The following ALOX15 variants were observed in gnomAD, a reference collection of about 807,000 sequenced individuals.
The protein encoded by ALOX15 is arachidonate 15-lipoxygenase, also known as polyunsaturated fatty acid lipoxygenase ALOX15.
Under a neutral mutation model 71.7 loss-of-function variants are expected in ALOX15, and 68 were observed. The observed-to-expected ratio is 0.95, with a 90% CI of 0.78 to 1.16. The LOEUF (loss-of-function observed/expected upper bound fraction) is 1.16, where lower values mean the gene tolerates loss of function less well. Among genes scored for constraint, ALOX15 ranks in the 50% most tolerant of loss-of-function variants. The pLI is 0.00. For missense variants in ALOX15, 798 were observed against 818.8 expected, an observed-to-expected ratio of 0.97 and a Z score of 0.31; for synonymous variants, 346 against 333.3, an observed-to-expected ratio of 1.04 and a Z score of -0.42.
rs1274949990 is a variant in ALOX15, at chr17:4,630,959, T to C, written c.*641A>G. The C allele has an allele frequency of 6.6e-6, 1 of 152,284 alleles. No homozygotes were observed. Among genetic ancestry groups the C allele is most frequent in the East Asian group, 1.9e-4 (1 of 5,208 alleles). The allele number at this position is 152,284 out of a possible 1,614,324, so 9.4% of individuals were successfully genotyped here. Reference sequence around the variant, plus strand: ...TTTATTTAAAATAGTTCAGTCCTAGTTCTTTTCCATCTTTAGCGTAAAACA... The same window carrying C: ...TTTATTTAAAATAGTTCAGTCCTAGCTCTTTTCCATCTTTAGCGTAAAACA... On this transcript the variant is annotated 3_prime_UTR_variant, in exon 14 of 14. Coordinates refer to ENST00000293761, the MANE Select transcript of ALOX15 (RefSeq NM_001140.5).
Position 4,631,751 on chromosome 17 carries a change from T to C in ALOX15, c.1838A>G (p.Tyr613Cys). 6.2e-7 allele frequency: 1 copy of C among 1,613,912 alleles called. No homozygotes were observed. The highest frequency in any genetic ancestry group is 8.5e-7 in the Non-Finnish European group (1 of 1,179,974). The change falls in exon 14 of 14, where the codon TAT becomes TGT. Residue 613 changes from tyrosine to cysteine, a missense_variant. Transcript: ENST00000293761. ...AGCCTTAGGCTCAGGGCCCGAAAAA[T>C]ACTCCTCCTCATGCTGGCCCACAGC... is the stretch of plus-strand genomic sequence containing the variant. ...MVAVGQHEEE[Y>C]FSGPEPKAVL...
chr17:4,633,106 C>G, intron 10 of ALOX15, 40 bp downstream of exon 10: 1 of 1,608,408 alleles, frequency 6.2e-7, no homozygotes, highest in East Asian at 2.2e-5. Flanking sequence ...GTCTTCTCCA[C>G]CCCCACTTGC....
chr17:4,633,008 G>C, intron 10 of ALOX15, 26 bp from the exon 11 acceptor site: 1 of 1,614,078 alleles, frequency 6.2e-7, no homozygotes, highest in East Asian at 2.2e-5. Context: ...GCAGGGCCAG[G>C]GAGCTGAAGC....
rs11568114 is a variant in ALOX15 at position 4,635,664 on chromosome 17, A to G, written c.1161+95T>C. 4.2e-4 allele frequency: 499 copies of G among 1,185,998 alleles called. No individual in the cohort carries two copies. In the African/African-American group the frequency reaches 4.5e-3, roughly 11 times the overall value. 73.5% of individuals were successfully genotyped at this position (1,185,998 alleles called of 1,614,324 possible). ...TTGTCCATTCATTGTTTCTCTCTGTACCCCGAGACCCCACAGAGAGGGAGC... is the reference window on the plus strand; with the variant it reads ...TTGTCCATTCATTGTTTCTCTCTGTGCCCCGAGACCCCACAGAGAGGGAGC... On this transcript the variant is annotated intron_variant, in intron 8 of 13. Coordinates refer to ENST00000293761, the MANE Select transcript of ALOX15 (RefSeq NM_001140.5).
At chr17:4,637,552 T>C (rs1567648171) in intron 6 of ALOX15, among the ~76,000 whole-genome samples, 1 of 152,030 alleles carries the variant, frequency 6.6e-6, no homozygotes, top group Non-Finnish European at 1.5e-5. Context: ...TACAGGTGCA[T>C]GCCACTACAC....
In ALOX15 at chr17:4,631,080, T is replaced by C. The variant is rs778006671; in HGVS notation, c.*520A>G. 1 of 152,444 alleles carries C rather than the reference T, an allele frequency of 6.6e-6. No individual in the cohort carries two copies. Among genetic ancestry groups the C allele is most frequent in the African/African-American group, 2.4e-5 (1 of 41,446 alleles). 9.4% of individuals were successfully genotyped at this position (152,444 alleles called of 1,614,324 possible). The stretch of plus-strand genomic sequence containing the variant: ...CCGTCTCCACGAAAATAAAAAAATA[T>C]TAGCTGGGCATGATGGCATGAGCCT... On this transcript the variant is annotated 3_prime_UTR_variant, in exon 14 of 14. Transcript: ENST00000293761.
rs1416476201 is a variant in ALOX15 at position 4,631,038 on chromosome 17, G to C, written c.*562C>G. 4 of 152,144 alleles carry C rather than the reference G, an allele frequency of 2.6e-5. No individual in the cohort carries two copies. The highest frequency in any genetic ancestry group is 9.7e-5 in the African/African-American group (4 of 41,376). The allele number at this position is 152,144 out of a possible 1,614,324, so 9.4% of individuals were successfully genotyped here. A position where few individuals can be genotyped will look rare whatever the true frequency, so the allele number is the denominator to read the frequency against. Reference sequence around the variant, plus strand: ...GGTTCAAAATCCTATTTCCAGCCTAGGCAACATAGTGAGGCCCCGTCTCCA... The same window carrying C: ...GGTTCAAAATCCTATTTCCAGCCTACGCAACATAGTGAGGCCCCGTCTCCA... On this transcript the variant is annotated 3_prime_UTR_variant, in exon 14 of 14. Transcript: ENST00000293761.
intron 2 of ALOX15, 54 bp downstream of exon 2, chr17:4,639,376 C>T (rs1911235189): frequency 1.9e-6 from 3 of 1,602,130 alleles, no homozygotes; most frequent in African/African-American, 2.7e-5. Context: ...CGCGCATCCC[C>T]CCAGCTTCTC....
intron 1 of ALOX15, among the ~76,000 whole-genome samples, 187 bp downstream of exon 1, chr17:4,641,330 C>G: frequency 6.6e-6 from 1 of 152,342 alleles, no homozygotes; most frequent in East Asian, 1.9e-4. Context: ...TTATTGAGCG[C>G]TTACTGTGTG....
chr17:4,633,444 C>T lies in ALOX15; in HGVS notation c.1218G>A (p.Gly406=). The part of the protein sequence containing the change: ...TLEINVRART[G]LVSDMGIFDQ... ...CGAAAATTCCCATGTCAGAGACCAGCCCAGTCCTGGCCCGGACGTTAATTT... is the reference window on the plus strand; with the variant it reads ...CGAAAATTCCCATGTCAGAGACCAGTCCAGTCCTGGCCCGGACGTTAATTT... The change falls in exon 9 of 14, where the codon GGG becomes GGA. Residue 406 remains glycine (G), a synonymous_variant. Coordinates refer to ENST00000293761, the MANE Select transcript of ALOX15 (RefSeq NM_001140.5). 1 of 1,614,174 alleles carries T rather than the reference C, an allele frequency of 6.2e-7. No individual in the cohort carries two copies. The highest frequency in any genetic ancestry group is 1.6e-4 in the Middle Eastern group (1 of 6,062).
chr17:4,641,583 C>A lies in ALOX15; in HGVS notation c.69G>T (p.Gln23His). Residue 23 changes from glutamine to histidine, a missense_variant, in exon 1 of 14, where the codon CAG becomes CAT. Physicochemically the swap from Gln to His is conservative, Grantham distance 24. Transcript: ENST00000293761. ...SLYAGSNNQV[Q>H]LWLVGQHGEA... ...CCCCGTGCTGGCCGACCAGCCACAG[C>A]TGCACCTGGTTGTTGGAACCGGCAT... The A allele has an allele frequency of 6.2e-7, 1 of 1,613,860 alleles. No individual in the cohort carries two copies. The highest frequency in any genetic ancestry group is 8.5e-7 in the Non-Finnish European group (1 of 1,180,042).
chr17:4,632,952 A>G lies in ALOX15; in HGVS notation c.1449T>C (p.Tyr483=), dbSNP rs1910964909. Reference sequence around the variant, plus strand: ...CGTCTTTCACAGCCACGTCTGTCTTATAGTGGAGACTCACGATTCCTTCCA... The same window carrying G: ...CGTCTTTCACAGCCACGTCTGTCTTGTAGTGGAGACTCACGATTCCTTCCA... ...RYVEGIVSLH[Y]KTDVAVKDDP... is the part of the protein sequence containing the mutation. Residue 483 remains tyrosine, a synonymous_variant, in exon 11 of 14, where the codon TAT becomes TAC. Transcript: ENST00000293761. The G allele has an allele frequency of 1.9e-6, 3 of 1,614,154 alleles. No individual in the cohort carries two copies. Among genetic ancestry groups the G allele is most frequent in the East Asian group, 2.2e-5 (1 of 44,868 alleles).
At position 4,639,548 on chromosome 17, in the gene ALOX15, G is replaced by C. The variant is rs1238315881; in HGVS notation, c.219C>G (p.Asp73Glu). The C allele has an allele frequency of 1.2e-6, 2 of 1,613,824 alleles. No homozygotes were observed. Among genetic ancestry groups the C allele is most frequent in the African/African-American group, 1.3e-5 (1 of 74,934 alleles). ...AGATCCAGTTGCAGAACCAGGCGTC[G>C]TCCTTAAGGAGGTGCCGTTTGCGCA... ...VKLRKRHLLK[D>E]DAWFCNWISV... The change falls in exon 2 of 14, where the codon GAC becomes GAG. Residue 73 changes from aspartate (D) to glutamate (E), a missense_variant. This residue lies in a region of ALOX15 where 300 missense variants were observed against 283.1 expected (regional missense o/e 1.06). Transcript: ENST00000293761.
chr17:4,639,812 G>A (rs11568098), intron 1 of ALOX15, 181 bp from the exon 2 acceptor site: 16,193 of 599,272 alleles, frequency 0.027, 340 homozygotes, highest in Middle Eastern at 0.059. Context: ...CCCAGGACTC[G>A]GTTCTGAGGG....
chr17:4,633,382 C>A, intron 9 of ALOX15, 32 bp downstream of exon 9: 1 of 1,612,098 alleles, frequency 6.2e-7, no homozygotes, highest in South Asian at 1.1e-5. Context: ...GGAAAAAAGA[C>A]AGACCCAGAA....
In ALOX15 at chr17:4,631,890, A is replaced by G; in HGVS notation, c.1808T>C (p.Met603Thr). ...TWQLGRRQPV[M>T]VAVGQHEEEY... Reference sequence around the variant, plus strand: ...GGGCCCTGGGCACTCAGCTCTCACCATAACGGGCTGGCGTCTGCCCAGCTG... The same window carrying G: ...GGGCCCTGGGCACTCAGCTCTCACCGTAACGGGCTGGCGTCTGCCCAGCTG... The change falls in exon 13 of 14, where the codon ATG (methionine) becomes ACG (threonine). Residue 603 changes from methionine (M) to threonine (T), a missense_variant and splice_region_variant. This residue lies in a region of ALOX15 where 490 missense variants were observed against 509.4 expected (regional missense o/e 0.96). Transcript: ENST00000293761. 6.2e-7 allele frequency: 1 copy of G among 1,611,212 alleles called. No homozygotes were observed. The highest frequency in any genetic ancestry group is 8.5e-7 in the Non-Finnish European group (1 of 1,178,346).
Position 4,631,998 on chromosome 17 carries a change from G to A in ALOX15, c.1700C>T (p.Thr567Ile). 2 of 1,614,026 alleles carry A rather than the reference G, an allele frequency of 1.2e-6. No homozygotes were observed. Among genetic ancestry groups the A allele is most frequent in the South Asian group, 1.1e-5 (1 of 91,054 alleles). Reference sequence around the variant, plus strand: ...TGTCTCCAGCGTTGCATCCTTGGTGGTTGGCGGGGGCAGCCGCATCGTGCA... The same window carrying A: ...TGTCTCCAGCGTTGCATCCTTGGTGATTGGCGGGGGCAGCCGCATCGTGCA... ...APCTMRLPPP[T>I]TKDATLETVM... Residue 567 changes from threonine (T) to isoleucine (I), a missense_variant, in exon 13 of 14, where the codon ACC becomes ATC. Physicochemically the swap from Thr to Ile is moderately conservative, Grantham distance 89. This residue lies in a region of ALOX15 where 490 missense variants were observed against 509.4 expected (regional missense o/e 0.96). Transcript: ENST00000293761.
At chr17:4,637,283 C>T (rs1911131914) in intron 6 of ALOX15, 25 bp from the exon 7 acceptor site, 3 of 1,590,830 alleles carry the variant, frequency 1.9e-6, no homozygotes, top group Non-Finnish European at 1.7e-6. Context: ...AGGTCAAGGG[C>T]TGCTATCAAC....
intron 7 of ALOX15, 59 bp downstream of exon 7, chr17:4,637,056 A>G (rs1911123292): frequency 6.5e-7 from 1 of 1,548,598 alleles, no homozygotes; most frequent in Non-Finnish European, 8.7e-7. Context: ...AAATTTTGAT[A>G]AGGGGCTGAG....
Sources: allele counts gnomAD v4.1 joint callset (sites outside exome capture counted in the v4.1 genomes callset), GRCh38; gene constraint gnomAD v4.1.1; regional missense constraint gnomAD v4.1.1; transcripts MANE v1.5; gene names NCBI Gene and HGNC (gene_info 2026-07-23, HGNC 2026-07-21).